The following HEATR5A variants were observed in gnomAD, a reference collection of about 807,000 sequenced individuals.
HEATR5A encodes the protein HEAT repeat containing 5A.
A neutral mutation model predicts 218.8 loss-of-function variants in HEATR5A; 178 were observed. The ratio of observed to expected loss-of-function variants is 0.81; its 90% CI spans 0.72 to 0.92. HEATR5A has a LOEUF of 0.92. Ranked by LOEUF, HEATR5A falls within the 40% of genes least tolerant of loss-of-function variation. The pLI is 0.00. For missense variants in HEATR5A, 2,420 were observed against 2,418.9 expected (o/e 1.00, Z -0.01); for synonymous variants, 864 against 871.6 (o/e 0.99, Z 0.15).
intron 22 of HEATR5A, among the ~76,000 whole-genome samples, chr14:31,327,311 T>TTTTTTTA (rs1900303236): frequency 3.6e-5 from 3 of 83,800 alleles, no homozygotes; most frequent in East Asian, 3.4e-4. Context: ...TTTTTTTTTT[T>TTTTTTTA]GAGACCGAGT....
At chr14:31,296,180 C>T (rs142525039) in intron 33 of HEATR5A, 117 bp from the exon 34 acceptor site, 15 of 685,622 alleles carry the variant, frequency 2.2e-5, no homozygotes, top group African/African-American at 3.6e-5. Context: ...ACACAATGAA[C>T]GCTGACTAAG....
chr14:31,312,026 G>A (rs566328683), intron 28 of HEATR5A, among the ~76,000 whole-genome samples: 4 of 152,292 alleles, frequency 2.6e-5, no homozygotes, highest in South Asian at 4.1e-4. Context: ...GTGCAGTTTC[G>A]GGAGGACAAT....
chr14:31,330,336 A>G (rs1900420998), intron 22 of HEATR5A, among the ~76,000 whole-genome samples: 1 of 152,174 alleles, frequency 6.6e-6, no homozygotes, highest in African/African-American at 2.4e-5. Flanking sequence ...TGGCTGGAAC[A>G]GCTGGAACAC....
chr14:31,373,426 T>G (rs536193463), intron 12 of HEATR5A, among the ~76,000 whole-genome samples: 41 of 151,952 alleles, frequency 2.7e-4, no homozygotes, highest in South Asian at 1.0e-3. Flanking sequence ...CCTCTCGGGT[T>G]CAAACGATTC....
Position 31,395,248 on chromosome 14 carries a change from C to A in HEATR5A, c.548G>T (p.Arg183Ile), listed in dbSNP as rs1370538249. ...PCHRDVYKAARSCLTDRSMAV... is the reference protein window; with the variant it reads ...PCHRDVYKAAISCLTDRSMAV... ...CATGGATCTATCTGTCAAGCAGGAT[C>A]TAGCAGCTTTATAAACATCCCTGTG... Residue 183 changes from arginine to isoleucine, a missense_variant, in exon 5 of 36, where the codon AGA becomes ATA. Transcript: ENST00000543095. 1 of 1,534,210 alleles carries A rather than the reference C, an allele frequency of 6.5e-7. No individual in the cohort carries two copies. The highest frequency in any genetic ancestry group is 2.4e-5 in the East Asian group (1 of 40,904).
At chr14:31,305,571 C>T (rs981281568) in intron 31 of HEATR5A, among the ~76,000 whole-genome samples, 8 of 152,070 alleles carry the variant, frequency 5.3e-5, no homozygotes, top group African/African-American at 1.7e-4. Flanking sequence ...CCAGGAAATA[C>T]ATTTAATGAC....
chr14:31,420,179 T>C (rs1253928387), intron 1 of HEATR5A: 2 of 152,238 alleles, frequency 1.3e-5, no homozygotes, highest in African/African-American at 4.8e-5. Context: ...AGCCAGACTT[T>C]CCCGTAGTCC....
intron 2 of HEATR5A, 138 bp downstream of exon 2, chr14:31,402,712 A>T: frequency 1.3e-6 from 1 of 757,284 alleles, no homozygotes; most frequent in African/African-American, 1.7e-5. Context: ...CAAAAAATGT[A>T]ATATACTTCA....
chr14:31,302,643 GA>G, intron 32 of HEATR5A, 124 bp from the exon 33 acceptor site: 2 of 660,634 alleles, frequency 3.0e-6, no homozygotes, highest in Non-Finnish European at 5.1e-6. Context: ...TTCTAATAAA[GA>G]ATTATAACTG....
At chr14:31,362,470 T>G (rs1403330387) in intron 14 of HEATR5A, among the ~76,000 whole-genome samples, 3 of 151,670 alleles carry the variant, frequency 2.0e-5, no homozygotes, top group Non-Finnish European at 4.4e-5. Context: ...AGGGTAAGAC[T>G]TACATTATCA....
intron 22 of HEATR5A, among the ~76,000 whole-genome samples, chr14:31,329,108 C>T (rs1380197971): frequency 6.6e-6 from 1 of 152,082 alleles, no homozygotes; most frequent in African/African-American, 2.4e-5. Context: ...AAACTGTCCC[C>T]ATGATCCATT....
At chr14:31,409,141 G>A (rs760747829) in intron 1 of HEATR5A, among the ~76,000 whole-genome samples, 4 of 146,786 alleles carry the variant, frequency 2.7e-5, no homozygotes, top group Non-Finnish European at 4.5e-5. Context: ...TCCGCCTCCC[G>A]GGTTCAAGTG....
In HEATR5A at chr14:31,294,053, G is replaced by C. The variant is rs1257013632; in HGVS notation, c.5671C>G (p.Pro1891Ala). 2 of 1,602,994 alleles carry C rather than the reference G, an allele frequency of 1.2e-6. No individual in the cohort carries two copies. The highest frequency in any genetic ancestry group is 1.7e-6 in the Non-Finnish European group (2 of 1,174,422). The part of the protein sequence containing the change: ...LLHSIFQYPN[P>A]AVSYPYIYSL... ...TAAATGTATGGGTAGGAAACAGCTG[G>C]ATTTGGATACTGAAAGATGGAATGT... is the stretch of plus-strand genomic sequence containing the variant. Residue 1891 changes from proline to alanine, a missense_variant, in exon 35 of 36, where the codon CCA becomes GCA. Pro to Ala is a conservative substitution (Grantham distance 27). Coordinates refer to ENST00000543095, the MANE Select transcript of HEATR5A (RefSeq NM_015473.4).
intron 1 of HEATR5A, among the ~76,000 whole-genome samples, chr14:31,407,910 G>A (rs952292453): frequency 1.3e-5 from 2 of 152,180 alleles, no homozygotes; most frequent in African/African-American, 2.4e-5. Flanking sequence ...TTACAGAGGT[G>A]AGCCACCATG....
chr14:31,366,301 G>C (rs1172203253), intron 13 of HEATR5A, among the ~76,000 whole-genome samples: 2 of 152,140 alleles, frequency 1.3e-5, no homozygotes, highest in Non-Finnish European at 2.9e-5. Flanking sequence ...CTCTGTTTCA[G>C]TAGAATTTTT....
chr14:31,364,572 T>A (rs1010253927), intron 13 of HEATR5A, among the ~76,000 whole-genome samples: 1 of 152,056 alleles, frequency 6.6e-6, no homozygotes, highest in Non-Finnish European at 1.5e-5. Flanking sequence ...AGGGTTGCAC[T>A]ACCATGCCTG....
chr14:31,416,375 GCCTC>G (rs2031448991), intron 1 of HEATR5A, among the ~76,000 whole-genome samples: 1 of 152,088 alleles, frequency 6.6e-6, no homozygotes, highest in African/African-American at 2.4e-5. Flanking sequence ...GCCCGCCTTG[GCCTC>G]CCAAAGTGCC....
At chr14:31,398,955 T>C (rs1349169902) in intron 3 of HEATR5A, among the ~76,000 whole-genome samples, 174 bp from the exon 4 acceptor site, 4 of 149,302 alleles carry the variant, frequency 2.7e-5, no homozygotes, top group Non-Finnish European at 4.4e-5. Context: ...GTCTCATCTA[T>C]TTTTTGTCAG....
chr14:31,400,215 G>T, intron 3 of HEATR5A, 86 bp downstream of exon 3: 1 of 807,144 alleles, frequency 1.2e-6, no homozygotes. Flanking sequence ...CAGTTTCAAA[G>T]TAAATGTCAA....
Sources: allele counts gnomAD v4.1 joint callset (sites outside exome capture counted in the v4.1 genomes callset), GRCh38; gene constraint gnomAD v4.1.1; transcripts MANE v1.5; gene names NCBI Gene and HGNC (gene_info 2026-07-23, HGNC 2026-07-21).